SGK1: variants seen among roughly 807,000 people sequenced by gnomAD.
The protein encoded by SGK1 is serine/threonine-protein kinase Sgk1.
Under a neutral mutation model 64.2 loss-of-function variants are expected in SGK1, and 26 were observed. The observed-to-expected ratio is 0.40, with a 90% CI of 0.30 to 0.56. The LOEUF is 0.56. Ranked by LOEUF, SGK1 falls within the 20% of genes least tolerant of loss-of-function variation. The pLI is 0.38. For missense variants in SGK1, 519 were observed against 645.6 expected, an observed-to-expected ratio of 0.80 and a Z score of 2.12; for synonymous variants, 265 against 239.7, an observed-to-expected ratio of 1.11 and a Z score of -0.98.
intron 3 of SGK1, among the ~76,000 whole-genome samples, chr6:134,206,954 G>C (rs563510521): frequency 3.9e-5 from 6 of 152,076 alleles, no homozygotes; most frequent in Non-Finnish European, 8.8e-5. Flanking sequence ...GGCCGGGCGC[G>C]GTGGCTCACG....
chr6:134,232,421 A>AAGAGAGAGAG (rs762251415), intron 2 of SGK1, among the ~76,000 whole-genome samples: 11,400 of 44,436 alleles, frequency 0.26, 1,732 homozygotes, highest in South Asian at 0.42. Context: ...AAGAGAAAGA[A>AAGAGAGAGAG]AGAAAGAAAG....
At chr6:134,184,047 C>A (rs1775380353) in intron 3 of SGK1, among the ~76,000 whole-genome samples, 1 of 152,092 alleles carries the variant, frequency 6.6e-6, no homozygotes. Flanking sequence ...CTTCTCCCTC[C>A]CTCCAGGTTT....
intron 2 of SGK1, among the ~76,000 whole-genome samples, chr6:134,224,799 G>T (rs934094891): frequency 1.3e-5 from 2 of 151,860 alleles, no homozygotes; most frequent in South Asian, 2.1e-4. Flanking sequence ...GAGGCAGGTG[G>T]ATCACCAGGT....
rs151284807 is a variant in SGK1, at chr6:134,267,157, G to A, written c.70-5009C>T. Reference sequence around the variant, plus strand: ...ACCCGCACTCTAGAGCTTGAGTTATGGCCAACAAAATAAAATTTTTTTTAA... The same window carrying A: ...ACCCGCACTCTAGAGCTTGAGTTATAGCCAACAAAATAAAATTTTTTTTAA... On this transcript the variant is annotated intron_variant, in intron 1 of 13. Coordinates refer to ENST00000367858, the MANE Select transcript of SGK1 (RefSeq NM_001143676.3). Among the ~76,000 whole-genome samples, 713 of 151,794 alleles carry A rather than the reference G, an allele frequency of 4.7e-3. 7 individuals carry two copies. The highest frequency in any genetic ancestry group is 0.016 in the African/African-American group (680 of 41,358).
chr6:134,224,264 A>G (rs752635178), intron 2 of SGK1, among the ~76,000 whole-genome samples: 12 of 152,240 alleles, frequency 7.9e-5, no homozygotes, highest in Non-Finnish European at 1.6e-4. Flanking sequence ...TCTTTATCCA[A>G]CATCTCTTTG....
chr6:134,233,199 C>T (rs1011211969), intron 2 of SGK1, among the ~76,000 whole-genome samples: 2 of 152,038 alleles, frequency 1.3e-5, no homozygotes, highest in African/African-American at 4.8e-5. Context: ...CATTTGAGCC[C>T]GCTTTCTCAT....
intron 3 of SGK1, among the ~76,000 whole-genome samples, chr6:134,206,369 ATATATATATATATATTTTTTTTTTT>A (rs1775778962): frequency 5.3e-4 from 4 of 7,488 alleles, no homozygotes; most frequent in South Asian, 8.6e-3. Context: ...ATATATATAT[ATATATATATATATATTTTTTTTTTT>A]TTTTTTTTTT....
At chr6:134,301,516 CTTCTCTT>C (rs1295160122) in intron 1 of SGK1, among the ~76,000 whole-genome samples, 1 of 149,348 alleles carries the variant, frequency 6.7e-6, no homozygotes. Flanking sequence ...CTTTTCTTCT[CTTCTCTT>C]TTCTCTTTTC....
chr6:134,308,218 G>A (rs547897097), intron 1 of SGK1, among the ~76,000 whole-genome samples: 42 of 152,118 alleles, frequency 2.8e-4, no homozygotes, highest in African/African-American at 9.2e-4. Context: ...AGCTGCTTTC[G>A]GAAAGATCAT....
At chr6:134,196,959 G>A (rs1775602968) in intron 3 of SGK1, among the ~76,000 whole-genome samples, 1 of 152,180 alleles carries the variant, frequency 6.6e-6, no homozygotes, top group African/African-American at 2.4e-5. Context: ...AAGGCTGGGT[G>A]CAGTGACTCA....
intron 5 of SGK1, 91 bp from the exon 6 acceptor site, chr6:134,173,657 A>C: frequency 1.2e-6 from 1 of 840,812 alleles, no homozygotes; most frequent in Non-Finnish European, 1.9e-6. Context: ...TTACATCTAC[A>C]AATGACTGAT....
At chr6:134,200,379 T>G (rs1203230957) in intron 3 of SGK1, among the ~76,000 whole-genome samples, 1 of 152,188 alleles carries the variant, frequency 6.6e-6, no homozygotes, top group African/African-American at 2.4e-5. Context: ...TGACTTTTGT[T>G]TTTCCAACTG....
chr6:134,172,996 G>C (rs1315363369), intron 8 of SGK1, 27 bp downstream of exon 8: 1 of 1,597,748 alleles, frequency 6.3e-7, no homozygotes, highest in South Asian at 1.1e-5. Flanking sequence ...GAGACACTAA[G>C]AGTTGACTTC....
Position 134,271,801 on chromosome 6 carries a change from T to A in SGK1, c.70-9653A>T, listed in dbSNP as rs1011090275. The stretch of plus-strand genomic sequence containing the variant: ...CCAGTAGACCCCAGTATCTGTTGTT[T>A]CCTTCTTTGTATTCATGTAAGTTCT... On this transcript the variant is annotated intron_variant, in intron 1 of 13. Coordinates refer to ENST00000367858, the MANE Select transcript of SGK1 (RefSeq NM_001143676.3). 2.7e-5 allele frequency among the ~76,000 whole-genome samples: 4 copies of A among 147,804 alleles called. 1 individual carries two copies. Among genetic ancestry groups the A allele is most frequent in the Non-Finnish European group, 4.5e-5 (3 of 66,758 alleles).
At chr6:134,243,650 C>G (rs1227606605) in intron 2 of SGK1, among the ~76,000 whole-genome samples, 1 of 152,006 alleles carries the variant, frequency 6.6e-6, no homozygotes, top group South Asian at 2.1e-4. Context: ...ATTACAGGCA[C>G]GAGCCACCGC....
intron 1 of SGK1, among the ~76,000 whole-genome samples, chr6:134,306,113 A>T (rs1187843693): frequency 2.0e-5 from 3 of 152,158 alleles, no homozygotes; most frequent in Non-Finnish European, 4.4e-5. Flanking sequence ...TTGCAAACTG[A>T]CAGGTGCCAT....
intron 3 of SGK1, among the ~76,000 whole-genome samples, chr6:134,185,903 G>A (rs186394163): frequency 6.6e-6 from 1 of 152,030 alleles, no homozygotes; most frequent in Non-Finnish European, 1.5e-5. Flanking sequence ...CCAGGAGAGT[G>A]AGTGACCTAC....
intron 3 of SGK1, among the ~76,000 whole-genome samples, chr6:134,179,003 A>C (rs1481393819): frequency 1.3e-5 from 2 of 151,738 alleles, no homozygotes; most frequent in African/African-American, 4.8e-5. Flanking sequence ...TTATTTCTTT[A>C]TTTGTCACTC....
chr6:134,298,633 T>A, intron 1 of SGK1: 1 of 1,313,480 alleles, frequency 7.6e-7, no homozygotes, highest in Non-Finnish European at 1.1e-6. Context: ...TAGGAGCGGC[T>A]GCTGAAGGCC....
Sources: allele counts gnomAD v4.1 joint callset (sites outside exome capture counted in the v4.1 genomes callset), GRCh38; gene constraint gnomAD v4.1.1; transcripts MANE v1.5; gene names NCBI Gene and HGNC (gene_info 2026-07-23, HGNC 2026-07-21).